CTNNA1: variants seen among roughly 807,000 people sequenced by gnomAD.
CTNNA1 encodes catenin alpha 1.
A neutral mutation model predicts 98.4 loss-of-function variants in CTNNA1; 37 were observed. The ratio of observed to expected loss-of-function variants is 0.38; its 90% CI spans 0.29 to 0.49. The LOEUF is 0.49. Among genes scored for constraint, CTNNA1 ranks in the 20% least tolerant of loss-of-function variants. CTNNA1 has a pLI of 0.95. For missense variants in CTNNA1, 761 were observed against 1,147.2 expected, an observed-to-expected ratio of 0.66 and a Z score of 4.86; for synonymous variants, 404 against 413.2, an observed-to-expected ratio of 0.98 and a Z score of 0.27.
intron 11 of CTNNA1, among the ~76,000 whole-genome samples, chr5:138,921,316 G>A (rs1241369281): frequency 6.6e-6 from 1 of 152,168 alleles, no homozygotes; most frequent in African/African-American, 2.4e-5. Flanking sequence ...GAAGATGCAA[G>A]TGGTTGCTTA....
intron 7 of CTNNA1, among the ~76,000 whole-genome samples, chr5:138,856,295 A>C (rs1204866598): frequency 6.6e-6 from 1 of 152,186 alleles, no homozygotes; most frequent in Non-Finnish European, 1.5e-5. Context: ...TGAGGGAGTA[A>C]AATTAACATT....
intron 3 of CTNNA1, among the ~76,000 whole-genome samples, chr5:138,783,814 A>G (rs1379078000): frequency 6.6e-6 from 1 of 152,208 alleles, no homozygotes; most frequent in African/African-American, 2.4e-5. Flanking sequence ...AAAAATATCT[A>G]CCTACTCTGA....
At chr5:138,906,735 G>T (rs1010238827) in intron 10 of CTNNA1, among the ~76,000 whole-genome samples, 5 of 152,180 alleles carry the variant, frequency 3.3e-5, no homozygotes, top group African/African-American at 4.8e-5. Flanking sequence ...TAGGCAGACA[G>T]TGCCCAGACC....
chr5:138,925,972 C>CCCGGCATA (rs1432366102), intron 13 of CTNNA1, among the ~76,000 whole-genome samples: 1 of 152,104 alleles, frequency 6.6e-6, no homozygotes, highest in Non-Finnish European at 1.5e-5. Context: ...TGATTGAGCT[C>CCCGGCATA]CCGGCATACC....
chr5:138,925,631 C>T (rs904437597), intron 13 of CTNNA1: 11 of 534,698 alleles, frequency 2.1e-5, no homozygotes, highest in South Asian at 8.6e-5. Flanking sequence ...CCTGAGTTGA[C>T]GATTTAATTT....
intron 10 of CTNNA1, among the ~76,000 whole-genome samples, chr5:138,916,309 A>G (rs1580786944): frequency 6.6e-6 from 1 of 152,100 alleles, no homozygotes; most frequent in African/African-American, 2.4e-5. Context: ...AACTGCAAAT[A>G]TACTTTAAAA....
chr5:138,834,957 G>T (rs763768427), intron 7 of CTNNA1, among the ~76,000 whole-genome samples: 5 of 152,166 alleles, frequency 3.3e-5, no homozygotes, highest in African/African-American at 9.7e-5. Context: ...AATTTTTTGT[G>T]GGCAGGGGGT....
Position 138,933,926 on chromosome 5 carries a change from A to C in CTNNA1, c.2558A>C (p.Asn853Thr). The C allele has an allele frequency of 6.2e-7, 1 of 1,614,140 alleles. No individual in the cohort carries two copies. The highest frequency in any genetic ancestry group is 8.5e-7 in the Non-Finnish European group (1 of 1,180,032). The change falls in exon 18 of 18, where the codon AAC (asparagine) becomes ACC (threonine). Residue 853 changes from asparagine to threonine, a missense_variant. Coordinates refer to ENST00000302763, the MANE Select transcript of CTNNA1 (RefSeq NM_001903.5). ...AAGTCACAGGGTATGGCTTCCCTCA[A>C]CCTTCCTGCTGTGTCATGGAAGATG... ...YQKSQGMASL[N>T]LPAVSWKMKA...
chr5:138,900,878 A>G (rs889202335), intron 9 of CTNNA1, among the ~76,000 whole-genome samples: 14 of 152,184 alleles, frequency 9.2e-5, no homozygotes, highest in Non-Finnish European at 2.1e-4. Context: ...ACTTCCACAC[A>G]GTAGGCACAG....
intron 1 of CTNNA1, among the ~76,000 whole-genome samples, chr5:138,769,302 T>G (rs1331180279): frequency 6.6e-6 from 1 of 152,076 alleles, no homozygotes; most frequent in East Asian, 1.9e-4. Flanking sequence ...CCTGTGGGCT[T>G]CTTAGCTGTG....
In CTNNA1 at chr5:138,912,222, C is replaced by A. The variant is rs138201409; in HGVS notation, c.1390-5520C>A. On this transcript the variant is annotated intron_variant, in intron 10 of 17. Coordinates refer to ENST00000302763, the MANE Select transcript of CTNNA1 (RefSeq NM_001903.5). ...TGAGGAAGCACTGTCAGGACCAGAGCCCCGGAAGCTGACTGTGTCTTAGAA... is the reference window on the plus strand; with the variant it reads ...TGAGGAAGCACTGTCAGGACCAGAGACCCGGAAGCTGACTGTGTCTTAGAA... Among the ~76,000 whole-genome samples the A allele has an allele frequency of 2.6e-5, 4 of 152,064 alleles. No individual in the cohort carries two copies. The East Asian group carries it at 7.7e-4, about 29-fold the overall frequency.
chr5:138,869,844 A>C (rs1034368845), intron 7 of CTNNA1: 1 of 152,672 alleles, frequency 6.5e-6, no homozygotes, highest in Non-Finnish European at 1.5e-5. Context: ...TTGGCTTAAA[A>C]AATTAGTATC....
intron 7 of CTNNA1, among the ~76,000 whole-genome samples, chr5:138,837,572 CCTCTCTCCTCTCTCTTCT>C (rs1300180475): frequency 5.8e-5 from 8 of 137,312 alleles, no homozygotes; most frequent in Middle Eastern, 3.3e-3. Flanking sequence ...CTTCTCTTCT[CCTCTCTCCTCTCTCTTCT>C]CTCTCTCCTC....
chr5:138,887,374 G>A (rs1225119517), intron 8 of CTNNA1, 116 bp from the exon 9 acceptor site: 3 of 692,848 alleles, frequency 4.3e-6, no homozygotes, highest in African/African-American at 1.8e-5. Flanking sequence ...CCTCATGTAA[G>A]TGCAGCAAGT....
At chr5:138,884,910 G>A (rs1288117686) in intron 7 of CTNNA1, among the ~76,000 whole-genome samples, 1 of 152,088 alleles carries the variant, frequency 6.6e-6, no homozygotes, top group East Asian at 1.9e-4. Context: ...CTCCCCATCA[G>A]TATTAATGGA....
chr5:138,824,514 T>G lies in CTNNA1; in HGVS notation c.589-16T>G. ...ATAAAGAGTGCTCCAATTTCTTGTTTTATTTACTCTTGTAGGAATTGAAAG... is the reference window on the plus strand; with the variant it reads ...ATAAAGAGTGCTCCAATTTCTTGTTGTATTTACTCTTGTAGGAATTGAAAG... On this transcript the variant is annotated splice_polypyrimidine_tract_variant and intron_variant, in intron 5 of 17. Coordinates refer to ENST00000302763, the MANE Select transcript of CTNNA1 (RefSeq NM_001903.5). The G allele has an allele frequency of 6.2e-7, 1 of 1,606,882 alleles. No homozygotes were observed. The highest frequency in any genetic ancestry group is 8.5e-7 in the Non-Finnish European group (1 of 1,174,116).
At chr5:138,917,717 C>G in intron 10 of CTNNA1, 25 bp from the exon 11 acceptor site, 1 of 1,610,368 alleles carries the variant, frequency 6.2e-7, no homozygotes, top group Non-Finnish European at 8.5e-7. Context: ...AAAGAGTAAA[C>G]AGTGAAGTTT....
At chr5:138,759,401 C>T (rs1408960607) in intron 1 of CTNNA1, among the ~76,000 whole-genome samples, 2 of 152,146 alleles carry the variant, frequency 1.3e-5, no homozygotes, top group South Asian at 2.1e-4. Context: ...TAACTTTTTT[C>T]CTTATCTCCC....
intron 13 of CTNNA1, among the ~76,000 whole-genome samples, chr5:138,928,467 T>TAAC (rs1478669754): frequency 6.6e-6 from 1 of 152,212 alleles, no homozygotes; most frequent in African/African-American, 2.4e-5. Context: ...CTTGGTACCC[T>TAAC]AACAGAAGGC....
Sources: allele counts gnomAD v4.1 joint callset (sites outside exome capture counted in the v4.1 genomes callset), GRCh38; gene constraint gnomAD v4.1.1; transcripts MANE v1.5; gene names NCBI Gene and HGNC (gene_info 2026-07-23, HGNC 2026-07-21).